The following ARHGEF16 variants were observed in gnomAD, a reference collection of about 807,000 sequenced individuals.
ARHGEF16 encodes the protein Rho guanine exchange factor (GEF) 16.
Under a neutral mutation model 74.1 loss-of-function variants are expected in ARHGEF16, and 59 were observed. The ratio of observed to expected loss-of-function variants is 0.80; its 90% confidence interval spans 0.65 to 0.99. The LOEUF is 0.99. ARHGEF16 is among the 50% of genes least tolerant of loss of function. The pLI is 0.00. For missense variants in ARHGEF16, 948 were observed against 986.6 expected (o/e 0.96, Z 0.52); for synonymous variants, 415 against 412.6 (o/e 1.01, Z -0.07).
chr1:3,455,493 CTT>C (rs893192492), intron 1 of ARHGEF16, among the ~76,000 whole-genome samples: 14 of 152,166 alleles, frequency 9.2e-5, no homozygotes, highest in Non-Finnish European at 1.8e-4. Flanking sequence ...CGCTCAGCCT[CTT>C]TCTGCGTCTG....
chr1:3,469,966 C>T (rs562608049), intron 6 of ARHGEF16, among the ~76,000 whole-genome samples: 6 of 152,364 alleles, frequency 3.9e-5, no homozygotes, highest in African/African-American at 9.6e-5. Context: ...CAGGAAGCCT[C>T]GAGTTGCAGC....
rs1639579173 is a variant in ARHGEF16 at position 3,467,421 on chromosome 1, C to T, written c.804+84C>T. 19 of 1,425,626 alleles carry T rather than the reference C, an allele frequency of 1.3e-5. No homozygotes were observed. In the Middle Eastern group the frequency reaches 7.2e-4, roughly 54 times the overall value. The allele number at this position is 1,425,626 out of a possible 1,614,324, so 88.3% of individuals were successfully genotyped here. A position where few individuals can be genotyped will look rare whatever the true frequency, so the allele number is the denominator to read the frequency against. On this transcript the variant is annotated intron_variant, in intron 4 of 14. Coordinates refer to ENST00000378378, the MANE Select transcript of ARHGEF16 (RefSeq NM_014448.4). ...CTGCTGTTCCTTCCCCAAGCCCAGG[C>T]GGCTGGTCCCCAGCAGCAGCCCAGT...
chr1:3,477,894 C>T lies in ARHGEF16; in HGVS notation c.1493C>T (p.Ala498Val), dbSNP rs781197441. ...CCCCAGTCCCTCCCACTGATCTCTG[C>T]CTCCCGGTGGCTGCTGAAGCGCGGA... ...SKVKSLPLIS[A>V]SRWLLKRGEL... Residue 498 changes from alanine (A) to valine (V), a missense_variant, in exon 11 of 15, where the codon GCC becomes GTC. Ala to Val is a moderately conservative substitution (Grantham distance 64, BLOSUM62 0). Coordinates refer to ENST00000378378, the MANE Select transcript of ARHGEF16 (RefSeq NM_014448.4). 3 of 1,612,532 alleles carry T rather than the reference C, an allele frequency of 1.9e-6. No homozygotes were observed. In the East Asian group the frequency reaches 6.7e-5, roughly 36 times the overall value.
At position 3,467,256 on chromosome 1, in the gene ARHGEF16, C is replaced by G. The variant is rs1024093942; in HGVS notation, c.723C>G (p.Pro241=). The G allele has an allele frequency of 3.9e-6, 6 of 1,550,514 alleles. No homozygotes were observed. Among genetic ancestry groups the G allele is most frequent in the Non-Finnish European group, 4.4e-6 (5 of 1,146,902 alleles). ...ACATCCTCGATGAGTCCTCCAGCCC[C>G]GAGGGAACCCAGAAGGTGGACGCCA... is the stretch of plus-strand genomic sequence containing the variant. ...DDDILDESSS[P]EGTQKVDATI... Residue 241 remains proline, a synonymous_variant, in exon 4 of 15, where the codon CCC becomes CCG. Transcript: ENST00000378378.
chr1:3,467,434 G>A, intron 4 of ARHGEF16, 97 bp downstream of exon 4: 1 of 1,381,816 alleles, frequency 7.2e-7, no homozygotes, highest in Non-Finnish European at 9.6e-7. Flanking sequence ...CTGGTCCCCA[G>A]CAGCAGCCCA....
At chr1:3,468,418 C>T (rs1360324836) in intron 4 of ARHGEF16, 2 of 196,292 alleles carry the variant, frequency 1.0e-5, no homozygotes, top group African/African-American at 2.3e-5. Context: ...CAGCTGTGGG[C>T]CCCGAGGAGG....
intron 1 of ARHGEF16, among the ~76,000 whole-genome samples, chr1:3,460,201 C>G (rs565555519): frequency 2.6e-5 from 4 of 152,200 alleles, no homozygotes; most frequent in African/African-American, 4.8e-5. Flanking sequence ...GCGGAGGTCA[C>G]ACCCAGCAAT....
intron 1 of ARHGEF16, among the ~76,000 whole-genome samples, chr1:3,456,923 C>A (rs1639278415): frequency 6.6e-6 from 1 of 152,234 alleles, no homozygotes; most frequent in African/African-American, 2.4e-5. Flanking sequence ...TCCCCGCCCC[C>A]ACCGCGCAGG....
intron 1 of ARHGEF16, among the ~76,000 whole-genome samples, chr1:3,461,022 C>G (rs1639380373): frequency 6.6e-6 from 1 of 152,150 alleles, no homozygotes; most frequent in Non-Finnish European, 1.5e-5. Context: ...TGTAGGCAAC[C>G]TCCCTGCAGG....
chr1:3,458,546 A>G (rs1639318711), intron 1 of ARHGEF16, among the ~76,000 whole-genome samples: 1 of 152,222 alleles, frequency 6.6e-6, no homozygotes, highest in Non-Finnish European at 1.5e-5. Flanking sequence ...TGGACCTGGC[A>G]TGGGGCTGGG....
intron 14 of ARHGEF16, 34 bp from the exon 15 acceptor site, chr1:3,480,414 C>T (rs1401021090): frequency 1.2e-6 from 2 of 1,610,120 alleles, no homozygotes; most frequent in East Asian, 2.2e-5. Flanking sequence ...CACGGCCTTC[C>T]CCTCACCTCC....
intron 9 of ARHGEF16, 83 bp downstream of exon 9, chr1:3,474,865 T>C: frequency 2.6e-6 from 3 of 1,174,732 alleles, no homozygotes; most frequent in Admixed American, 4.3e-5. Context: ...CCCGATGGCA[T>C]AGGGCTGGCT....
intron 2 of ARHGEF16, among the ~76,000 whole-genome samples, chr1:3,464,717 C>A (rs1354825733): frequency 6.6e-6 from 1 of 152,214 alleles, no homozygotes; most frequent in Non-Finnish European, 1.5e-5. Context: ...CTGAACCTTC[C>A]TGAGCCTTGG....
rs917785312 is a variant in ARHGEF16 at position 3,457,106 on chromosome 1, G to T, written c.-20+2295G>T. ...GGGGGCCAAAACTGCCCCAGTGAAG[G>T]CCGCAGAGCCAAATCCCTGGCCACC... is the stretch of plus-strand genomic sequence containing the variant. On this transcript the variant is annotated intron_variant, in intron 1 of 14. Transcript: ENST00000378378. Among the ~76,000 whole-genome samples, 3 of 152,264 alleles carry T rather than the reference G, an allele frequency of 2.0e-5. No individual in the cohort carries two copies. The East Asian group carries it at 5.8e-4, about 29-fold the overall frequency.
At chr1:3,459,438 A>G (rs1639342259) in intron 1 of ARHGEF16, among the ~76,000 whole-genome samples, 2 of 152,214 alleles carry the variant, frequency 1.3e-5, no homozygotes, top group Admixed American at 6.5e-5. Flanking sequence ...AGGAAGAAAC[A>G]AGACATTTTC....
rs1639995621 is a variant in ARHGEF16, at chr1:3,479,517, G to A, written c.1815G>A (p.Ala605=). 4 of 1,612,544 alleles carry A rather than the reference G, an allele frequency of 2.5e-6. No individual in the cohort carries two copies. The East Asian group carries it at 8.9e-5, about 36-fold the overall frequency. Reference sequence around the variant, plus strand: ...GGCTCATGCTGTCTCTGGTCCCCAGGAGTGACCGGGCACGGTGGATCGTGG... The same window carrying A: ...GGCTCATGCTGTCTCTGGTCCCCAGAAGTGACCGGGCACGGTGGATCGTGG... ...QEQLLLSSDS[A]SDRARWIVAL... Residue 605 remains alanine, a splice_region_variant and synonymous_variant, in exon 13 of 15, where the codon GCG becomes GCA. Coordinates refer to ENST00000378378, the MANE Select transcript of ARHGEF16 (RefSeq NM_014448.4).
At chr1:3,477,841 C>A (rs1440718924) in intron 10 of ARHGEF16, 34 bp from the exon 11 acceptor site, 2 of 1,609,444 alleles carry the variant, frequency 1.2e-6, no homozygotes, top group Non-Finnish European at 1.7e-6. Flanking sequence ...CAGTCCCTCG[C>A]ACTGATCTCC....
At chr1:3,476,893 G>T (rs551363708) in intron 10 of ARHGEF16, among the ~76,000 whole-genome samples, 1 of 152,060 alleles carries the variant, frequency 6.6e-6, no homozygotes, top group South Asian at 2.1e-4. Flanking sequence ...ACTTCGCGCC[G>T]CTGTCGCTGA....
intron 1 of ARHGEF16, among the ~76,000 whole-genome samples, chr1:3,461,263 G>A (rs1309727201): frequency 1.3e-5 from 2 of 152,228 alleles, no homozygotes; most frequent in Non-Finnish European, 2.9e-5. Context: ...TGAGCATAGG[G>A]AGCATGAGCT....
Sources: gnomAD v4.1 joint callset for allele counts (sites outside exome capture counted in the v4.1 genomes callset) on GRCh38, gnomAD v4.1.1 for gene constraint, MANE v1.5 for transcripts, NCBI Gene and HGNC (gene_info 2026-07-23, HGNC 2026-07-21) for gene names.